RRAS2: variants seen among roughly 807,000 people sequenced by gnomAD.
RRAS2 encodes RAS related 2.
In RRAS2, 7 loss-of-function variants were observed where a neutral mutation model predicts 27.6. The observed-to-expected ratio is 0.25, with a 90% CI of 0.14 to 0.48. The LOEUF (loss-of-function observed/expected upper bound fraction) is 0.48, where lower values mean the gene tolerates loss of function less well. Ranked by LOEUF, RRAS2 falls within the 20% of genes least tolerant of loss-of-function variation. The pLI is 0.99. For synonymous variants in RRAS2, 86 were observed against 90.9 expected (o/e 0.95, Z 0.31); for missense variants, 178 against 256.2 (o/e 0.69, Z 2.08).
intron 1 of RRAS2, among the ~76,000 whole-genome samples, chr11:14,354,798 T>TC (rs1294403063): frequency 2.1e-5 from 3 of 146,336 alleles, no homozygotes; most frequent in Non-Finnish European, 3.0e-5. Context: ...TGACTCAGCC[T>TC]CCCGAGTAAC....
chr11:14,304,237 T>C (rs1312693568), intron 1 of RRAS2, among the ~76,000 whole-genome samples: 1 of 152,204 alleles, frequency 6.6e-6, no homozygotes, highest in Non-Finnish European at 1.5e-5. Context: ...CCCTCATCAT[T>C]TGGCTTAAAT....
intron 1 of RRAS2, among the ~76,000 whole-genome samples, chr11:14,346,072 G>A (rs1564981546): frequency 6.6e-6 from 1 of 152,080 alleles, no homozygotes; most frequent in Non-Finnish European, 1.5e-5. Flanking sequence ...GAACATTACC[G>A]TTGTTTAATA....
chr11:14,315,683 C>G (rs1848085482), intron 1 of RRAS2, among the ~76,000 whole-genome samples: 1 of 152,062 alleles, frequency 6.6e-6, no homozygotes, highest in African/African-American at 2.4e-5. Context: ...ATGGGAAGTT[C>G]CTATACTATC....
At chr11:14,360,536 G>C (rs942223577), upstream of RRAS2, among the ~76,000 whole-genome samples, 20 of 151,934 alleles carry the variant, frequency 1.3e-4, no homozygotes, top group Non-Finnish European at 4.4e-5. Flanking sequence ...TAGCAGCTGG[G>C]ACTACAGGCA....
intron 1 of RRAS2, among the ~76,000 whole-genome samples, chr11:14,336,293 TA>T: frequency 6.6e-6 from 1 of 152,018 alleles, no homozygotes; most frequent in East Asian, 1.9e-4. Flanking sequence ...TAACCCAGTC[TA>T]AAAAAATACA....
At chr11:14,293,443 C>G (rs1473911670) in intron 4 of RRAS2, among the ~76,000 whole-genome samples, 1 of 152,036 alleles carries the variant, frequency 6.6e-6, no homozygotes, top group Non-Finnish European at 1.5e-5. Context: ...AGCCATATAA[C>G]ATTGATATTG....
chr11:14,278,398 T>A lies in RRAS2; in HGVS notation c.*939A>T, dbSNP rs548906452. 3.3e-5 allele frequency: 5 copies of A among 152,354 alleles called. No individual in the cohort carries two copies. Among genetic ancestry groups the A allele is most frequent in the African/African-American group, 1.2e-4 (5 of 41,602 alleles). 9.4% of individuals were successfully genotyped at this position (152,354 alleles called of 1,614,324 possible). ...CTTATCTTTACATATACACAAGGTATGCTATGAAAGCATATCTGCTTACAA... is the reference window on the plus strand; with the variant it reads ...CTTATCTTTACATATACACAAGGTAAGCTATGAAAGCATATCTGCTTACAA... On this transcript the variant is annotated 3_prime_UTR_variant, in exon 6 of 6. Coordinates refer to ENST00000256196, the MANE Select transcript of RRAS2 (RefSeq NM_012250.6).
chr11:14,322,496 G>C (rs1848249062), intron 1 of RRAS2, among the ~76,000 whole-genome samples: 1 of 151,850 alleles, frequency 6.6e-6, no homozygotes, highest in African/African-American at 2.4e-5. Context: ...TTCCATCTAG[G>C]AAGACACAGC....
Position 14,287,667 on chromosome 11 carries a change from C to T in RRAS2, c.409-5947G>A, listed in dbSNP as rs560997440. Among the ~76,000 whole-genome samples the T allele has an allele frequency of 1.3e-4, 19 of 151,998 alleles. No homozygotes were observed. In the South Asian group the frequency reaches 4.0e-3, roughly 32 times the overall value. Reference sequence around the variant, plus strand: ...TGGGTGGATCACCTAAGGTCGGGAGCTCAAGACACGCCTGGCCAACATGGT... The same window carrying T: ...TGGGTGGATCACCTAAGGTCGGGAGTTCAAGACACGCCTGGCCAACATGGT... On this transcript the variant is annotated intron_variant, in intron 4 of 5. Transcript: ENST00000256196.
intron 5 of RRAS2, among the ~76,000 whole-genome samples, chr11:14,281,399 C>A (rs1554944287): frequency 6.6e-6 from 1 of 152,130 alleles, no homozygotes; most frequent in Non-Finnish European, 1.5e-5. Flanking sequence ...AGCATTTATT[C>A]TTATCAAAAT....
At chr11:14,306,823 A>G (rs1847841281) in intron 1 of RRAS2, among the ~76,000 whole-genome samples, 1 of 151,610 alleles carries the variant, frequency 6.6e-6, no homozygotes, top group African/African-American at 2.4e-5. Flanking sequence ...CAGTATGTGA[A>G]TTTACCCTTT....
chr11:14,283,042 CAGTT>C (rs1239890534), intron 4 of RRAS2, among the ~76,000 whole-genome samples: 9 of 152,228 alleles, frequency 5.9e-5, no homozygotes, highest in Middle Eastern at 3.4e-3. Flanking sequence ...AGTGTGCTGT[CAGTT>C]AGAGAATTTT....
intron 1 of RRAS2, among the ~76,000 whole-genome samples, chr11:14,333,540 T>A (rs781913537): frequency 6.6e-6 from 1 of 152,208 alleles, no homozygotes; most frequent in Non-Finnish European, 1.5e-5. Context: ...TGCCCACTCT[T>A]AGCTTGTGTC....
chr11:14,361,581 TAA>T (rs1310237838), upstream of RRAS2, among the ~76,000 whole-genome samples: 2 of 152,104 alleles, frequency 1.3e-5, no homozygotes, highest in Non-Finnish European at 2.9e-5. Flanking sequence ...TGACTAAAAT[TAA>T]AAAGACAGGT....
chr11:14,331,621 G>A (rs1261416058), intron 1 of RRAS2, among the ~76,000 whole-genome samples: 1 of 144,840 alleles, frequency 6.9e-6, no homozygotes, highest in Non-Finnish European at 1.5e-5. Context: ...AGGATCACTT[G>A]AGCCCAGAAG....
At chr11:14,353,766 T>C (rs1849015530) in intron 1 of RRAS2, among the ~76,000 whole-genome samples, 1 of 152,074 alleles carries the variant, frequency 6.6e-6, no homozygotes. Flanking sequence ...TTCCTTCTTC[T>C]CCAAAGGCAG....
At chr11:14,302,328 AC>A (rs1847737623) in intron 1 of RRAS2, among the ~76,000 whole-genome samples, 1 of 152,154 alleles carries the variant, frequency 6.6e-6, no homozygotes, top group South Asian at 2.1e-4. Context: ...ATTATGATAA[AC>A]CAAAATGAGA....
At chr11:14,302,203 T>C (rs536462073) in intron 1 of RRAS2, among the ~76,000 whole-genome samples, 4 of 152,114 alleles carry the variant, frequency 2.6e-5, no homozygotes, top group South Asian at 4.2e-4. Flanking sequence ...CACACAGATA[T>C]CAGGTCATGA....
chr11:14,279,103 A>G lies in RRAS2; in HGVS notation c.*234T>C. 2.1e-6 allele frequency: 1 copy of G among 468,446 alleles called. No homozygotes were observed. The highest frequency in any genetic ancestry group is 3.5e-5 in the East Asian group (1 of 28,252). 29.0% of individuals were successfully genotyped at this position (468,446 alleles called of 1,614,324 possible). A position where few individuals can be genotyped will look rare whatever the true frequency, so the allele number is the denominator to read the frequency against. Reference sequence around the variant, plus strand: ...AAAGAGCATGTCTGTGTATATAGACATATATTTTAAAGGAATCAGATAATC... The same window carrying G: ...AAAGAGCATGTCTGTGTATATAGACGTATATTTTAAAGGAATCAGATAATC... On this transcript the variant is annotated 3_prime_UTR_variant, in exon 6 of 6. Coordinates refer to ENST00000256196, the MANE Select transcript of RRAS2 (RefSeq NM_012250.6).
Sources: allele counts gnomAD v4.1 joint callset (sites outside exome capture counted in the v4.1 genomes callset), GRCh38; gene constraint gnomAD v4.1.1; transcripts MANE v1.5; gene names NCBI Gene and HGNC (gene_info 2026-07-23, HGNC 2026-07-21).